TPCN1: variants seen among roughly 807,000 people sequenced by gnomAD.
The protein encoded by TPCN1 is two pore segment channel 1, also known as two pore channel protein 1.
A neutral mutation model predicts 108.8 loss-of-function variants in TPCN1; 52 were observed. That is an observed-to-expected ratio of 0.48 (90% CI 0.38 to 0.60). The LOEUF (loss-of-function observed/expected upper bound fraction) is 0.60, where lower values mean the gene tolerates loss of function less well. TPCN1 is among the 20% of genes least tolerant of loss of function. The pLI, the probability that TPCN1 is intolerant of heterozygous loss-of-function variation, is 0.00. For synonymous variants in TPCN1, 446 were observed against 433.7 expected, an observed-to-expected ratio of 1.03 and a Z score of -0.35; for missense variants, 806 against 1,072.8, an observed-to-expected ratio of 0.75 and a Z score of 3.47.
intron 17 of TPCN1, among the ~76,000 whole-genome samples, chr12:113,285,270 CT>C (rs1228038514): frequency 3.3e-5 from 5 of 152,234 alleles, no homozygotes; most frequent in African/African-American, 1.2e-4. Flanking sequence ...TTTTGCACAC[CT>C]GGTACCCAAT....
At chr12:113,279,737 G>A (rs1042755749) in intron 14 of TPCN1, among the ~76,000 whole-genome samples, 4 of 152,104 alleles carry the variant, frequency 2.6e-5, no homozygotes, top group Admixed American at 2.0e-4. Flanking sequence ...TCTTATGGCA[G>A]GATGTATACT....
Position 113,278,928 on chromosome 12 carries a change from G to A in TPCN1, c.1297+93G>A, listed in dbSNP as rs528083978. On this transcript the variant is annotated intron_variant, in intron 14 of 27. Transcript: ENST00000335509. ...TAAGCGTCTGAGGAGAGGTTCAGAG[G>A]GGTGTGTGTGTGTGTGTGTTTGTCT... The A allele has an allele frequency of 1.0e-5, 12 of 1,158,450 alleles. No homozygotes were observed. In the East Asian group the frequency reaches 2.1e-4, roughly 21 times the overall value. The allele number at this position is 1,158,450 out of a possible 1,614,324, so 71.8% of individuals were successfully genotyped here. A position where few individuals can be genotyped will look rare whatever the true frequency, so the allele number is the denominator to read the frequency against.
chr12:113,226,642 C>T, intron 1 of TPCN1, 86 bp from the exon 2 acceptor site: 1 of 1,108,078 alleles, frequency 9.0e-7, no homozygotes, highest in Non-Finnish European at 1.3e-6. Flanking sequence ...GTGCAACCAT[C>T]ACCACTATCT....
intron 25 of TPCN1, chr12:113,292,634 C>T: frequency 3.4e-6 from 1 of 291,066 alleles, no homozygotes; most frequent in Non-Finnish European, 6.4e-6. Flanking sequence ...CACTTGTTAC[C>T]TCTCATCCTC....
chr12:113,260,168 T>G, intron 2 of TPCN1, 200 bp from the exon 3 acceptor site: 4 of 498,960 alleles, frequency 8.0e-6, no homozygotes, highest in Non-Finnish European at 1.3e-5. Flanking sequence ...CTTTTTTCAC[T>G]TATCAAGAGA....
At chr12:113,271,855 G>C (rs1955512601) in intron 7 of TPCN1, among the ~76,000 whole-genome samples, 1 of 152,174 alleles carries the variant, frequency 6.6e-6, no homozygotes, top group Admixed American at 6.5e-5. Flanking sequence ...AGTTTTTCAG[G>C]TGGGGCTGAC....
rs1955264866 is a variant in TPCN1 at position 113,266,436 on chromosome 12, T to A, written c.414+80T>A. ...GCGATGGAACTCCAAAAAGGAACAT[T>A]CTGGGAGGGCAAACACTGCAAACGG... On this transcript the variant is annotated intron_variant, in intron 4 of 27. Coordinates refer to ENST00000335509, the MANE Select transcript of TPCN1 (RefSeq NM_017901.6). This position sits in a 1 kb window ranked among gnomAD's most constrained non-coding sequence, Gnocchi z 4.2. 6.5e-7 allele frequency: 1 copy of A among 1,548,788 alleles called. No individual in the cohort carries two copies. Among genetic ancestry groups the A allele is most frequent in the African/African-American group, 1.4e-5 (1 of 73,878 alleles).
intron 2 of TPCN1, among the ~76,000 whole-genome samples, chr12:113,245,026 G>A (rs1272894708): frequency 6.6e-6 from 1 of 152,156 alleles, no homozygotes; most frequent in African/African-American, 2.4e-5. Flanking sequence ...CACTTTGAGA[G>A]GCTGAGCTGG....
rs549235533 is a variant in TPCN1 at position 113,282,884 on chromosome 12, G to C, written c.1343-1697G>C. 5.4e-4 allele frequency among the ~76,000 whole-genome samples: 82 copies of C among 152,176 alleles called. 1 individual carries two copies. The highest frequency in any genetic ancestry group is 9.7e-4 in the Non-Finnish European group (66 of 68,024). ...GCAGATCACTTGAGGTCAGGAGTTC[G>C]AGACCAGCCTGAGCAATGTGGTGAA... On this transcript the variant is annotated intron_variant, in intron 15 of 27. Coordinates refer to ENST00000335509, the MANE Select transcript of TPCN1 (RefSeq NM_017901.6).
At chr12:113,254,198 C>T (rs1954752862) in intron 2 of TPCN1, among the ~76,000 whole-genome samples, 1 of 152,146 alleles carries the variant, frequency 6.6e-6, no homozygotes, top group Non-Finnish European at 1.5e-5. Context: ...AAAAACTTTC[C>T]CAGAAAGAAA....
chr12:113,264,883 T>C (rs1452875020), intron 3 of TPCN1, among the ~76,000 whole-genome samples: 3 of 152,110 alleles, frequency 2.0e-5, no homozygotes, highest in Non-Finnish European at 2.9e-5. Context: ...TGGAGTATAG[T>C]GGTACAACTT....
chr12:113,221,501 G>GGCGGCGGCTTCGGCGGCT lies in TPCN1; in HGVS notation c.-241_-224dup, dbSNP rs1953217862. On this transcript the variant is annotated 5_prime_UTR_variant, in exon 1 of 28. Transcript: ENST00000335509. ...CTGCCCTGGTGGCAGTGGCTGAAGT[G>GGCGGCGGCTTCGGCGGCT]GCGGCGGCTTCGGCGGCTGCGGCGG... is the stretch of plus-strand genomic sequence containing the variant. 2.7e-5 allele frequency: 8 copies of GGCGGCGGCTTCGGCGGCT among 293,024 alleles called. 1 individual carries two copies. Among genetic ancestry groups the GGCGGCGGCTTCGGCGGCT allele is most frequent in the South Asian group, 8.3e-5 (3 of 35,974 alleles). 18.2% of individuals were successfully genotyped at this position (293,024 alleles called of 1,614,324 possible). A position where few individuals can be genotyped will look rare whatever the true frequency, so the allele number is the denominator to read the frequency against.
rs552084188 is a variant in TPCN1, at chr12:113,229,207, C to G, written c.112+2243C>G. ...TTCTCAAGAATAAAGAAATGTATAA[C>G]TAACTGCTGGGGTCCAGGGACATTG... On this transcript the variant is annotated intron_variant, in intron 2 of 27. Transcript: ENST00000335509. Among the ~76,000 whole-genome samples, 21 of 152,328 alleles carry G rather than the reference C, an allele frequency of 1.4e-4. No homozygotes were observed. The East Asian group carries it at 3.5e-3, about 25-fold the overall frequency.
Position 113,272,529 on chromosome 12 carries a change from C to T in TPCN1, c.749-129C>T. On this transcript the variant is annotated intron_variant, in intron 7 of 27. Coordinates refer to ENST00000335509, the MANE Select transcript of TPCN1 (RefSeq NM_017901.6). The surrounding 1 kb of genome is among the most constrained non-coding windows in gnomAD (Gnocchi z 4.1). Reference sequence around the variant, plus strand: ...GCATGTGTTCTCAGGGTGCTGTGGTCCCCAGCAGTCCCTGCTGCTCTTCCT... The same window carrying T: ...GCATGTGTTCTCAGGGTGCTGTGGTTCCCAGCAGTCCCTGCTGCTCTTCCT... 1.2e-6 allele frequency: 1 copy of T among 850,012 alleles called. No homozygotes were observed. The highest frequency in any genetic ancestry group is 1.4e-5 in the South Asian group (1 of 71,346). The allele number at this position is 850,012 out of a possible 1,614,324, so 52.7% of individuals were successfully genotyped here.
At position 113,278,217 on chromosome 12, in the gene TPCN1, G is replaced by C. The variant is rs1413573700; in HGVS notation, c.1213G>C (p.Val405Leu). The C allele has an allele frequency of 6.2e-7, 1 of 1,613,932 alleles. No individual in the cohort carries two copies. Among genetic ancestry groups the C allele is most frequent in the Admixed American group, 1.7e-5 (1 of 60,008 alleles). Residue 405 changes from valine (V) to leucine (L), a missense_variant, in exon 13 of 28, where the codon GTT (valine) becomes CTT (leucine). By Grantham distance (32) the Val-to-Leu change is conservative. Transcript: ENST00000335509. ...SLKDFYDIYE[V>L]AALKWKAKKN... The stretch of plus-strand genomic sequence containing the variant: ...AAAGGACTTTTACGATATCTACGAA[G>C]TTGCTGCTTTGAAGTGGAAGGTGAG...
intron 27 of TPCN1, 26 bp from the exon 28 acceptor site, chr12:113,295,934 A>G: frequency 6.4e-7 from 1 of 1,557,690 alleles, no homozygotes; most frequent in Non-Finnish European, 8.7e-7. Flanking sequence ...TGCAGCCCTC[A>G]GCACCCCTTC....
At chr12:113,223,567 G>T (rs1467633058) in intron 1 of TPCN1, among the ~76,000 whole-genome samples, 1 of 151,334 alleles carries the variant, frequency 6.6e-6, no homozygotes, top group Non-Finnish European at 1.5e-5. Context: ...TTTTTGAGAT[G>T]GAGTCTCGCT....
intron 2 of TPCN1, chr12:113,244,823 T>A (rs1954289560): frequency 1.1e-6 from 1 of 936,130 alleles, no homozygotes; most frequent in Non-Finnish European, 1.3e-6. Context: ...AAACTGAGGC[T>A]CTGGGGATTA....
At chr12:113,275,876 A>G (rs113156161) in intron 10 of TPCN1, among the ~76,000 whole-genome samples, 12 of 152,144 alleles carry the variant, frequency 7.9e-5, no homozygotes, top group African/African-American at 2.9e-4. Flanking sequence ...GGCCTGAGAA[A>G]ATATTTTCTT....
Sources: allele counts gnomAD v4.1 joint callset (sites outside exome capture counted in the v4.1 genomes callset), GRCh38; gene constraint gnomAD v4.1.1; non-coding constraint Gnocchi (gnomAD v3.1); transcripts MANE v1.5; gene names NCBI Gene and HGNC (gene_info 2026-07-23, HGNC 2026-07-21).